Variants in CKAP2L observed in about 807,000 individuals in gnomAD.
The protein encoded by CKAP2L is cytoskeleton associated protein 2L.
In CKAP2L, 42 loss-of-function variants were observed where a neutral mutation model predicts 65.7. That is an observed-to-expected ratio of 0.64 (90% confidence interval 0.50 to 0.83). The LOEUF (loss-of-function observed/expected upper bound fraction) is 0.83, where lower values mean the gene tolerates loss of function less well. Among genes scored for constraint, CKAP2L ranks in the 40% least tolerant of loss-of-function variants. The pLI is 0.00. For missense variants in CKAP2L, 908 were observed against 871.0 expected (o/e 1.04, Z -0.53); for synonymous variants, 325 against 313.5 (o/e 1.04, Z -0.39).
chr2:112,750,313 TG>T (rs1217891477), intron 5 of CKAP2L, among the ~76,000 whole-genome samples: 5 of 152,204 alleles, frequency 3.3e-5, no homozygotes, highest in African/African-American at 1.2e-4. Context: ...GCTTACCGCG[TG>T]CTTTCACAGC....
intron 2 of CKAP2L, among the ~76,000 whole-genome samples, chr2:112,762,072 T>C (rs1259587854): frequency 6.6e-6 from 1 of 152,178 alleles, no homozygotes; most frequent in Non-Finnish European, 1.5e-5. Flanking sequence ...GCTAAGAGAA[T>C]GACCCAAGAG....
At chr2:112,739,421 CA>C (rs1160233663) in intron 8 of CKAP2L, among the ~76,000 whole-genome samples, 2 of 151,274 alleles carry the variant, frequency 1.3e-5, no homozygotes, top group African/African-American at 4.9e-5. Flanking sequence ...ACCCCAGTCT[CA>C]AAAAAAAGGC....
intron 7 of CKAP2L, among the ~76,000 whole-genome samples, chr2:112,742,155 T>C (rs904285645): frequency 1.3e-5 from 2 of 152,128 alleles, no homozygotes; most frequent in African/African-American, 2.4e-5. Flanking sequence ...CCAATTTATT[T>C]TCTAAAGATA....
chr2:112,747,290 C>T (rs568606298), intron 5 of CKAP2L, among the ~76,000 whole-genome samples: 25 of 152,080 alleles, frequency 1.6e-4, no homozygotes, highest in Non-Finnish European at 2.4e-4. Context: ...TATATGAGAC[C>T]AAATAGAAAA....
intron 4 of CKAP2L, among the ~76,000 whole-genome samples, chr2:112,752,953 C>A (rs1477821934): frequency 6.6e-6 from 1 of 152,310 alleles, no homozygotes; most frequent in South Asian, 2.1e-4. Context: ...CTTGACCAGA[C>A]ATGACTCTTT....
intron 4 of CKAP2L, among the ~76,000 whole-genome samples, chr2:112,755,592 G>A (rs768053153): frequency 6.6e-6 from 1 of 152,094 alleles, no homozygotes; most frequent in Admixed American, 6.6e-5. Context: ...TGCTTGACAA[G>A]AGATTACCAT....
rs574287396 is a variant in CKAP2L, at chr2:112,737,722, A to G, written c.*1101T>C. 1.3e-5 allele frequency: 2 copies of G among 152,308 alleles called. No homozygotes were observed. The highest frequency in any genetic ancestry group is 4.8e-5 in the African/African-American group (2 of 41,560). 9.4% of individuals were successfully genotyped at this position (152,308 alleles called of 1,614,324 possible). On this transcript the variant is annotated 3_prime_UTR_variant, in exon 9 of 9. Transcript: ENST00000302450. ...AAAATCTAGTTCCTGGATGAGGCTG[A>G]TAGACCTTTGATCAAAGTCCATTCT...
chr2:112,760,750 G>A lies in CKAP2L; in HGVS notation c.119C>T (p.Ser40Phe). 6.6e-7 allele frequency: 1 copy of A among 1,512,762 alleles called. No individual in the cohort carries two copies. The highest frequency in any genetic ancestry group is 9.1e-7 in the Non-Finnish European group (1 of 1,101,538). The allele number at this position is 1,512,762 out of a possible 1,614,324, so 93.7% of individuals were successfully genotyped here. ...TGGTTGATTCTGGCAATTATTCTTGGATTTTAGATAAGGCCTATAAAAGAC... is the reference window on the plus strand; with the variant it reads ...TGGTTGATTCTGGCAATTATTCTTGAATTTTAGATAAGGCCTATAAAAGAC... ...KSQNTKPYLK[S>F]KNNCQNQPPS... is the part of the protein sequence containing the mutation. Residue 40 changes from serine to phenylalanine, a missense_variant, in exon 3 of 9, where the codon TCC becomes TTC. Transcript: ENST00000302450.
chr2:112,764,605 T>G lies in CKAP2L; in HGVS notation c.-7A>C. On this transcript the variant is annotated 5_prime_UTR_variant, in exon 1 of 9. Transcript: ENST00000302450. ...TAGGCCCGGGCCCCACCATGACTCT[T>G]CAGTGACAGTTTTTCTTCAAACGCC... 1 of 1,614,032 alleles carries G rather than the reference T, an allele frequency of 6.2e-7. No homozygotes were observed. Among genetic ancestry groups the G allele is most frequent in the Non-Finnish European group, 8.5e-7 (1 of 1,179,954 alleles).
Position 112,756,110 on chromosome 2 carries a change from T to G in CKAP2L, c.1261A>C (p.Lys421Gln), listed in dbSNP as rs1301419344. 6.2e-7 allele frequency: 1 copy of G among 1,614,202 alleles called. No individual in the cohort carries two copies. Among genetic ancestry groups the G allele is most frequent in the Non-Finnish European group, 8.5e-7 (1 of 1,180,038 alleles). Residue 421 changes from lysine to glutamine, a missense_variant, in exon 4 of 9, where the codon AAG becomes CAG. By Grantham distance (53) the Lys-to-Gln change is moderately conservative. Transcript: ENST00000302450. ...TTCTGGGGAACAGCCTTTTTCAACT[T>G]GGAGTCCAAAGTCTGTGCTTTTTGC... The part of the protein sequence containing the change: ...FQQKAQTLDS[K>Q]LKKAVPQNHF...
rs1679332641 is a variant in CKAP2L, at chr2:112,737,258, A to C, written c.*1565T>G. On this transcript the variant is annotated 3_prime_UTR_variant, in exon 9 of 9. Coordinates refer to ENST00000302450, the MANE Select transcript of CKAP2L (RefSeq NM_152515.5). ...CTTTGGGTACATACTTACTCAGAAG[A>C]GGGTCAGATAACAGTTCTATTTTTA... 1 of 152,156 alleles carries C rather than the reference A, an allele frequency of 6.6e-6. No homozygotes were observed. Among genetic ancestry groups the C allele is most frequent in the African/African-American group, 2.4e-5 (1 of 41,434 alleles). 9.4% of individuals were successfully genotyped at this position (152,156 alleles called of 1,614,324 possible).
At position 112,746,484 on chromosome 2, in the gene CKAP2L, A is replaced by G; in HGVS notation, c.1694T>C (p.Leu565Ser). The G allele has an allele frequency of 6.2e-7, 1 of 1,613,430 alleles. No homozygotes were observed. Among genetic ancestry groups the G allele is most frequent in the Non-Finnish European group, 8.5e-7 (1 of 1,179,484 alleles). Residue 565 changes from leucine to serine, a missense_variant, in exon 6 of 9, where the codon TTG becomes TCG. Leu to Ser is a moderately radical substitution (Grantham distance 145). Transcript: ENST00000302450. ...AKFWICKAKLLASKGTFDVIG... is the reference protein window; with the variant it reads ...AKFWICKAKLSASKGTFDVIG... ...AACATCAAAGGTGCCTTTACTTGCC[A>G]ACAACTTTGCTTTGCAGATCCAGAA...
In CKAP2L at chr2:112,746,425, C is replaced by T. The variant is rs377432513; in HGVS notation, c.1753G>A (p.Ala585Thr). 102 of 1,608,578 alleles carry T rather than the reference C, an allele frequency of 6.3e-5. No homozygotes were observed. Among genetic ancestry groups the T allele is most frequent in the Non-Finnish European group, 8.2e-5 (96 of 1,176,282 alleles). ...CACCCAAGACAGATACTCACTGTTG[C>T]CCCATTTTTAATGGCCTCTTCATAT... ...GLYEEAIKNGATPIQELRKVV... is the reference protein window; with the variant it reads ...GLYEEAIKNGTTPIQELRKVV... The change falls in exon 6 of 9, where the codon GCA becomes ACA. Residue 585 changes from alanine to threonine, a missense_variant. Coordinates refer to ENST00000302450, the MANE Select transcript of CKAP2L (RefSeq NM_152515.5).
In CKAP2L at chr2:112,737,276, T is replaced by C. The variant is rs1188119605; in HGVS notation, c.*1547A>G. ...TCAGAAGAGGGTCAGATAACAGTTC[T>C]ATTTTTAATTTCTTTAGGAGCCTCC... On this transcript the variant is annotated 3_prime_UTR_variant, in exon 9 of 9. Coordinates refer to ENST00000302450, the MANE Select transcript of CKAP2L (RefSeq NM_152515.5). The C allele has an allele frequency of 1.3e-5, 2 of 152,176 alleles. No homozygotes were observed. Among genetic ancestry groups the C allele is most frequent in the African/African-American group, 4.8e-5 (2 of 41,446 alleles). 9.4% of individuals were successfully genotyped at this position (152,176 alleles called of 1,614,324 possible). A position where few individuals can be genotyped will look rare whatever the true frequency, so the allele number is the denominator to read the frequency against.
rs727502802 is a variant in CKAP2L at position 112,756,799 on chromosome 2, A to AT, written c.571dup (p.Ile191AsnfsTer6). Reference sequence around the variant, plus strand: ...TGGCTTCCTCTCAGGTTCTGTTAAGATATCGAGCAAGTTCTCTTTGTTTGT... The same window carrying AT: ...TGGCTTCCTCTCAGGTTCTGTTAAGATTATCGAGCAAGTTCTCTTTGTTTGT... On this transcript the variant is annotated frameshift_variant, in exon 4 of 9. Coordinates refer to ENST00000302450, the MANE Select transcript of CKAP2L (RefSeq NM_152515.5). LOFTEE classifies it high-confidence loss of function. 1.2e-6 allele frequency: 2 copies of AT among 1,603,536 alleles called. No individual in the cohort carries two copies. The highest frequency in any genetic ancestry group is 1.7e-6 in the Non-Finnish European group (2 of 1,177,088).
Position 112,757,135 on chromosome 2 carries a change from T to C in CKAP2L, c.236A>G (p.Gln79Arg), listed in dbSNP as rs767119194. The part of the protein sequence containing the change: ...KPKRSISIKL[Q>R]PRPPNTAGSQ... The stretch of plus-strand genomic sequence containing the variant: ...CCCTGCAGTATTAGGTGGTCTGGGC[T>C]GGAGTTTAATGCTGATGGACCTTTT... Residue 79 changes from glutamine to arginine, a missense_variant, in exon 4 of 9, where the codon CAG becomes CGG. By Grantham distance (43) the Gln-to-Arg change is conservative. Transcript: ENST00000302450. 8 of 1,614,062 alleles carry C rather than the reference T, an allele frequency of 5.0e-6. No homozygotes were observed. The highest frequency in any genetic ancestry group is 1.6e-4 in the Middle Eastern group (1 of 6,082).
Position 112,738,721 on chromosome 2 carries a change from T to C in CKAP2L, c.*102A>G, listed in dbSNP as rs1474282110. 1.4e-6 allele frequency: 1 copy of C among 733,802 alleles called. No individual in the cohort carries two copies. The highest frequency in any genetic ancestry group is 2.3e-6 in the Non-Finnish European group (1 of 431,488). The allele number at this position is 733,802 out of a possible 1,614,324, so 45.5% of individuals were successfully genotyped here. On this transcript the variant is annotated 3_prime_UTR_variant, in exon 9 of 9. Transcript: ENST00000302450. ...ACTTAAGTCCTGAGCGTCCATAATCTGCATCCATGATGCCTCTCTTTTTTT... is the reference window on the plus strand; with the variant it reads ...ACTTAAGTCCTGAGCGTCCATAATCCGCATCCATGATGCCTCTCTTTTTTT...
In CKAP2L at chr2:112,748,722, G is replaced by A. The variant is rs574257028; in HGVS notation, c.1603-2147C>T. 2.0e-5 allele frequency among the ~76,000 whole-genome samples: 3 copies of A among 152,226 alleles called. No individual in the cohort carries two copies. The East Asian group carries it at 5.8e-4, about 29-fold the overall frequency. ...CAAAAAAATGTAAACTATAATGGGT[G>A]TAGTGGTGTGTACCTGTAGTCCTAG... On this transcript the variant is annotated intron_variant, in intron 5 of 8. Coordinates refer to ENST00000302450, the MANE Select transcript of CKAP2L (RefSeq NM_152515.5).
At chr2:112,759,196 A>G (rs1680635435) in intron 3 of CKAP2L, among the ~76,000 whole-genome samples, 1 of 152,020 alleles carries the variant, frequency 6.6e-6, no homozygotes, top group Non-Finnish European at 1.5e-5. Flanking sequence ...TTTTCACAAG[A>G]TAGTTTTGAT....
Sources: allele counts gnomAD v4.1 joint callset (sites outside exome capture counted in the v4.1 genomes callset), GRCh38; gene constraint gnomAD v4.1.1; transcripts MANE v1.5; gene names NCBI Gene and HGNC (gene_info 2026-07-23, HGNC 2026-07-21).